Variants in GRIA1 observed in about 807,000 individuals in gnomAD.
GRIA1 encodes the protein glutamate ionotropic receptor AMPA type subunit 1.
GRIA1 carries 31 observed loss-of-function variants against 99.2 expected under a neutral mutation model. The ratio of observed to expected loss-of-function variants is 0.31; its 90% CI spans 0.23 to 0.42. The LOEUF (loss-of-function observed/expected upper bound fraction) is 0.42, where lower values mean the gene tolerates loss of function less well. Among genes scored for constraint, GRIA1 ranks in the 10% least tolerant of loss-of-function variants. The pLI is 1.00. For synonymous variants in GRIA1, 438 were observed against 432.4 expected (o/e 1.01, Z -0.16); for missense variants, 782 against 1,157.5 (o/e 0.68, Z 4.71).
intron 15 of GRIA1, among the ~76,000 whole-genome samples, chr5:153,809,262 T>A (rs910962617): frequency 1.3e-5 from 2 of 152,298 alleles, no homozygotes; most frequent in Admixed American, 1.3e-4. Context: ...TGGTGTAGCT[T>A]CAAGGTAGTA....
Position 153,562,905 on chromosome 5 carries a change from C to T in GRIA1, c.220+68840C>T, listed in dbSNP as rs532361319. Among the ~76,000 whole-genome samples, 14 of 152,280 alleles carry T rather than the reference C, an allele frequency of 9.2e-5. No homozygotes were observed. The East Asian group carries it at 1.5e-3, about 17-fold the overall frequency. ...TTGAAATCCTGCTTGCGGCCAGGCA[C>T]GGTGGCTCATGCCTGTAATCCCAGC... is the stretch of plus-strand genomic sequence containing the variant. On this transcript the variant is annotated intron_variant, in intron 2 of 15. Coordinates refer to ENST00000285900, the MANE Select transcript of GRIA1 (RefSeq NM_000827.4).
intron 13 of GRIA1, among the ~76,000 whole-genome samples, chr5:153,788,338 A>AT (rs1765099380): frequency 6.6e-6 from 1 of 152,024 alleles, no homozygotes; most frequent in Non-Finnish European, 1.5e-5. Flanking sequence ...TAGCCTTCTC[A>AT]TTGGCTTCCA....
intron 12 of GRIA1, among the ~76,000 whole-genome samples, chr5:153,766,268 A>G (rs1263662103): frequency 2.0e-5 from 3 of 152,198 alleles, no homozygotes; most frequent in African/African-American, 7.2e-5. Context: ...AGTTAATAAA[A>G]AAGCCACTTA....
At chr5:153,646,760 T>C (rs1754179623) in intron 2 of GRIA1, among the ~76,000 whole-genome samples, 168 bp from the exon 3 acceptor site, 1 of 152,158 alleles carries the variant, frequency 6.6e-6, no homozygotes, top group Non-Finnish European at 1.5e-5. Context: ...GACTGGTGTG[T>C]CGAAAGGATG....
intron 7 of GRIA1, among the ~76,000 whole-genome samples, chr5:153,683,100 G>C (rs1465709501): frequency 6.6e-6 from 1 of 152,298 alleles, no homozygotes; most frequent in African/African-American, 2.4e-5. Context: ...ACCCTGGGAT[G>C]GGGGGAGAGA....
chr5:153,806,769 T>C (rs1008747738), intron 15 of GRIA1, among the ~76,000 whole-genome samples: 1 of 152,222 alleles, frequency 6.6e-6, no homozygotes, highest in Non-Finnish European at 1.5e-5. Context: ...AACTTTTATG[T>C]TCAAAGTGAT....
At chr5:153,508,954 G>T (rs1382157699) in intron 2 of GRIA1, among the ~76,000 whole-genome samples, 1 of 152,096 alleles carries the variant, frequency 6.6e-6, no homozygotes, top group Non-Finnish European at 1.5e-5. Context: ...AAAAAGACCT[G>T]CTCTCCTTTT....
rs115421861 is a variant in GRIA1, at chr5:153,740,152, G to A, written c.1824-24282G>A. The stretch of plus-strand genomic sequence containing the variant: ...AATTTTGTTTTCAATTTTGTGTTCC[G>A]CCCAAGGAACATTTGTTGACTGACT... On this transcript the variant is annotated intron_variant, in intron 11 of 15. Transcript: ENST00000285900. Among the ~76,000 whole-genome samples, 906 of 152,296 alleles carry A rather than the reference G, an allele frequency of 5.9e-3. 10 individuals are homozygous for A. The highest frequency in any genetic ancestry group is 0.021 in the African/African-American group (864 of 41,562).
intron 2 of GRIA1, among the ~76,000 whole-genome samples, chr5:153,540,617 A>G (rs1387982306): frequency 6.6e-6 from 1 of 152,192 alleles, no homozygotes; most frequent in Non-Finnish European, 1.5e-5. Context: ...TTAGTTACTG[A>G]GAATATACTT....
chr5:153,655,986 G>T (rs1372565085), intron 5 of GRIA1, 114 bp downstream of exon 5: 3 of 830,350 alleles, frequency 3.6e-6, no homozygotes, highest in African/African-American at 3.4e-5. Flanking sequence ...GCAATTCAGG[G>T]CTGTAATAAT....
chr5:153,756,020 G>T (rs1268347457), intron 11 of GRIA1, among the ~76,000 whole-genome samples: 1 of 152,246 alleles, frequency 6.6e-6, no homozygotes, highest in African/African-American at 2.4e-5. Flanking sequence ...GCACCTTCGT[G>T]CCTCTGCAGA....
At chr5:153,540,309 A>G (rs1758955983) in intron 2 of GRIA1, among the ~76,000 whole-genome samples, 1 of 152,220 alleles carries the variant, frequency 6.6e-6, no homozygotes, top group African/African-American at 2.4e-5. Context: ...CTAAGTGGGT[A>G]GAAAGGAAAC....
intron 2 of GRIA1, among the ~76,000 whole-genome samples, chr5:153,511,371 T>C (rs142363732): frequency 4.6e-5 from 7 of 152,252 alleles, no homozygotes; most frequent in African/African-American, 1.7e-4. Context: ...GTGGCATGTA[T>C]AGGAAATGTT....
chr5:153,707,590 T>C (rs1462008601), intron 11 of GRIA1, among the ~76,000 whole-genome samples: 2 of 152,116 alleles, frequency 1.3e-5, no homozygotes, highest in Admixed American at 6.5e-5. Context: ...CATGGACAGA[T>C]CTGGAGGCAT....
intron 4 of GRIA1, 139 bp from the exon 5 acceptor site, chr5:153,655,680 G>C: frequency 1.5e-6 from 1 of 677,908 alleles, no homozygotes; most frequent in Non-Finnish European, 2.7e-6. Flanking sequence ...ACCATCATTG[G>C]ATGGTTGGGA....
intron 2 of GRIA1, among the ~76,000 whole-genome samples, chr5:153,578,868 A>G (rs553313202): frequency 1.3e-5 from 2 of 152,314 alleles, no homozygotes; most frequent in East Asian, 1.9e-4. Context: ...AGATAGCACC[A>G]TTGCACTCCA....
intron 2 of GRIA1, among the ~76,000 whole-genome samples, chr5:153,596,051 T>A (rs542615611): frequency 6.6e-6 from 1 of 150,492 alleles, no homozygotes; most frequent in East Asian, 1.9e-4. Context: ...AGGTCAACAC[T>A]GTCACTAAGT....
At chr5:153,656,037 A>T (rs909537725) in intron 5 of GRIA1, among the ~76,000 whole-genome samples, 165 bp downstream of exon 5, 2 of 151,982 alleles carry the variant, frequency 1.3e-5, no homozygotes, top group Non-Finnish European at 2.9e-5. Context: ...TCCACATCCC[A>T]CTCATCAAAC....
At chr5:153,695,055 T>C (rs1207562410) in intron 8 of GRIA1, among the ~76,000 whole-genome samples, 1 of 152,174 alleles carries the variant, frequency 6.6e-6, no homozygotes, top group Non-Finnish European at 1.5e-5. Flanking sequence ...TTCCCAGGTT[T>C]GTATTGATTT....
Sources: allele counts gnomAD v4.1 joint callset (sites outside exome capture counted in the v4.1 genomes callset), GRCh38; gene constraint gnomAD v4.1.1; transcripts MANE v1.5; gene names NCBI Gene and HGNC (gene_info 2026-07-23, HGNC 2026-07-21).